Variants in SLC5A2 observed in about 807,000 individuals in gnomAD.
SLC5A2 encodes the protein solute carrier family 5 member 2, also known as sodium/glucose cotransporter 2.
In SLC5A2, 67 loss-of-function variants were observed where a neutral mutation model predicts 69.0. The ratio of observed to expected loss-of-function variants is 0.97; its 90% CI spans 0.80 to 1.19. SLC5A2 has a LOEUF of 1.19. Ranked by LOEUF, SLC5A2 falls within the 50% of genes most tolerant of loss-of-function variation. The probability of loss-of-function intolerance (pLI) is 0.00; values close to 1 mark genes in which losing one functional copy is unlikely to be tolerated. For missense variants in SLC5A2, 1,001 were observed against 921.5 expected (o/e 1.09, Z -1.12); for synonymous variants, 455 against 395.8 (o/e 1.15, Z -1.78).
At position 31,486,026 on chromosome 16, in the gene SLC5A2, A is replaced by C; in HGVS notation, c.468+133A>C. 3 of 1,219,212 alleles carry C rather than the reference A, an allele frequency of 2.5e-6. No homozygotes were observed. In the South Asian group the frequency reaches 3.7e-5, roughly 15 times the overall value. 75.5% of individuals were successfully genotyped at this position (1,219,212 alleles called of 1,614,324 possible). On this transcript the variant is annotated intron_variant, in intron 4 of 13. Coordinates refer to ENST00000330498, the MANE Select transcript of SLC5A2 (RefSeq NM_003041.4). ...TATGATGATGGAGGCAGAGCCTGCA[A>C]TGAATGTCTCCGGGGCACCAGCTAC...
chr16:31,485,222 C>A, intron 3 of SLC5A2: 1 of 545,706 alleles, frequency 1.8e-6, no homozygotes, highest in Non-Finnish European at 3.3e-6. Flanking sequence ...GCCAGGGAAG[C>A]ACCTGCTCAG....
chr16:31,489,148 G>T lies in SLC5A2; in HGVS notation c.1475G>T (p.Gly492Val), dbSNP rs756070574. The part of the protein sequence containing the change: ...EQGAFWGLIG[G>V]LLMGLARLIP... The stretch of plus-strand genomic sequence containing the variant: ...GGCGCCTTCTGGGGACTCATCGGGG[G>T]CCTGCTGATGGGCCTGGCACGCCTG... The change falls in exon 12 of 14, where the codon GGC becomes GTC. Residue 492 changes from glycine (G) to valine (V), a missense_variant. Gly to Val is a moderately radical substitution (Grantham distance 109, BLOSUM62 -3). Coordinates refer to ENST00000330498, the MANE Select transcript of SLC5A2 (RefSeq NM_003041.4). The T allele has an allele frequency of 2.5e-5, 41 of 1,609,288 alleles. No homozygotes were observed. Among genetic ancestry groups the T allele is most frequent in the Admixed American group, 3.3e-5 (2 of 60,006 alleles).
intron 12 of SLC5A2, chr16:31,489,637 C>T (rs371730747): frequency 1.2e-4 from 67 of 537,954 alleles, no homozygotes; most frequent in Non-Finnish European, 2.0e-4. Flanking sequence ...CCATCTTGAA[C>T]GCCCACAAAA....
intron 5 of SLC5A2, among the ~76,000 whole-genome samples, chr16:31,486,907 G>A (rs1216175963): frequency 6.6e-6 from 1 of 152,186 alleles, no homozygotes; most frequent in Non-Finnish European, 1.5e-5. Context: ...TTAGCTGGAC[G>A]TGGTGGCCCG....
chr16:31,489,522 G>A, intron 12 of SLC5A2, 184 bp downstream of exon 12: 1 of 647,934 alleles, frequency 1.5e-6, no homozygotes, highest in Non-Finnish European at 2.7e-6. Context: ...GAACCGGCCT[G>A]GGGGAGGCTT....
rs763032828 is a variant in SLC5A2, at chr16:31,490,394, G to A, written c.1878G>A (p.Pro626=). The A allele has an allele frequency of 4.0e-4, 642 of 1,613,232 alleles. 1 individual carries two copies. The highest frequency in any genetic ancestry group is 5.2e-4 in the Non-Finnish European group (619 of 1,179,778). The change falls in exon 14 of 14, where the codon CCG becomes CCA. Residue 626 remains proline, a synonymous_variant. Transcript: ENST00000330498. ...GCAGAGGTGGGGTGGGCAGTCCTCC[G>A]CCCCTTACCCAGGAGGAGGCAGCGG... The part of the protein sequence containing the change: ...GMSRGGVGSP[P]PLTQEEAAAA...
chr16:31,487,532 T>G lies in SLC5A2; in HGVS notation c.658T>G (p.Phe220Val), dbSNP rs1359172073. ...CCCCTGACGGCCTTGCCCGGCAGCC[T>G]TCCACGAGGTGGGCGGGTATTCGGG... is the stretch of plus-strand genomic sequence containing the variant. ...GGACILMGYAFHEVGGYSGLF... is the reference protein window; with the variant it reads ...GGACILMGYAVHEVGGYSGLF... The change falls in exon 7 of 14, where the codon TTC becomes GTC. Residue 220 changes from phenylalanine to valine, a missense_variant and splice_region_variant. Physicochemically the swap from Phe to Val is conservative, Grantham distance 50. Transcript: ENST00000330498. 3.7e-6 allele frequency: 6 copies of G among 1,613,798 alleles called. No homozygotes were observed. The highest frequency in any genetic ancestry group is 5.1e-6 in the Non-Finnish European group (6 of 1,179,954).
intron 1 of SLC5A2, among the ~76,000 whole-genome samples, chr16:31,484,227 TACACAC>T (rs537221545): frequency 2.6e-4 from 37 of 139,816 alleles, no homozygotes; most frequent in South Asian, 1.4e-3. Context: ...TCTACTAAAA[TACACAC>T]ACACACACAC....
chr16:31,486,565 C>A (rs538567817), intron 5 of SLC5A2, among the ~76,000 whole-genome samples: 1 of 152,306 alleles, frequency 6.6e-6, no homozygotes, highest in South Asian at 2.1e-4. Flanking sequence ...GGAGAGCACA[C>A]CTGACGAGTC....
At position 31,488,751 on chromosome 16, in the gene SLC5A2, G is replaced by GCGAGCTGCTGCTGGTGGGA. The variant is rs1396191994; in HGVS notation, c.1262_1280dup (p.Leu428AlafsTer40). 5.0e-6 allele frequency: 8 copies of GCGAGCTGCTGCTGGTGGGA among 1,603,676 alleles called. No individual in the cohort carries two copies. The highest frequency in any genetic ancestry group is 1.7e-4 in the Middle Eastern group (1 of 6,006). On this transcript the variant is annotated frameshift_variant, in exon 10 of 14. Coordinates refer to ENST00000330498, the MANE Select transcript of SLC5A2 (RefSeq NM_003041.4). LOFTEE classifies it high-confidence loss of function. ...CGCCTGCGGCCACGCGCCGGCGACC[G>GCGAGCTGCTGCTGGTGGGA]CGAGCTGCTGCTGGTGGGACGGTGC...
At chr16:31,485,434 G>A in intron 3 of SLC5A2, 1 of 521,934 alleles carries the variant, frequency 1.9e-6, no homozygotes. Flanking sequence ...GCTCAGGTCA[G>A]TCTGAGGGGT....
intron 8 of SLC5A2, 36 bp from the exon 9 acceptor site, chr16:31,488,347 C>T (rs748058170): frequency 6.2e-7 from 1 of 1,606,256 alleles, no homozygotes; most frequent in Non-Finnish European, 8.5e-7. Flanking sequence ...CCAGACCAGG[C>T]CCCGTCCTAA....
rs375802106 is a variant in SLC5A2, at chr16:31,490,508, C to T, written c.1992C>T (p.Ala664=). 9.2e-5 allele frequency: 148 copies of T among 1,613,148 alleles called. No individual in the cohort carries two copies. The highest frequency in any genetic ancestry group is 1.2e-4 in the Non-Finnish European group (137 of 1,179,730). Residue 664 remains alanine (A), a synonymous_variant, in exon 14 of 14, where the codon GCC becomes GCT. Transcript: ENST00000330498. ...ATGCCCTGCTCATGATGGCAGTGGC[C>T]GTGTTCCTCTGGGGCTTCTATGCCT... ...NLNALLMMAV[A]VFLWGFYA
At chr16:31,488,330 G>A (rs2082517650) in intron 8 of SLC5A2, 53 bp from the exon 9 acceptor site, 1 of 1,603,944 alleles carries the variant, frequency 6.2e-7, no homozygotes, top group Non-Finnish European at 8.5e-7. Context: ...CCCACCTCCT[G>A]GGATTCCCAG....
chr16:31,485,896 G>C lies in SLC5A2; in HGVS notation c.468+3G>C. ...TGTACATCTTCACCAAGATCTCAGT[G>C]AGTGCCTGTGGCAGATGCGATTGGG... On this transcript the variant is annotated splice_donor_region_variant and intron_variant, in intron 4 of 13. Coordinates refer to ENST00000330498, the MANE Select transcript of SLC5A2 (RefSeq NM_003041.4). 6.2e-7 allele frequency: 1 copy of C among 1,613,534 alleles called. No homozygotes were observed. Among genetic ancestry groups the C allele is most frequent in the East Asian group, 2.2e-5 (1 of 44,880 alleles).
chr16:31,488,677 C>CTCCA lies in SLC5A2; in HGVS notation c.1188_1191dup (p.Phe398HisfsTer65). 6.2e-7 allele frequency: 1 copy of CTCCA among 1,612,704 alleles called. No individual in the cohort carries two copies. Among genetic ancestry groups the CTCCA allele is most frequent in the Non-Finnish European group, 8.5e-7 (1 of 1,179,594 alleles). The stretch of plus-strand genomic sequence containing the variant: ...TGGCCGCGCTCATGTCCTCGCTGGC[C>CTCCA]TCCATCTTCAACAGCAGCAGCACGC... On this transcript the variant is annotated frameshift_variant, in exon 10 of 14. Coordinates refer to ENST00000330498, the MANE Select transcript of SLC5A2 (RefSeq NM_003041.4). LOFTEE classifies it high-confidence loss of function.
At chr16:31,486,867 A>C (rs1314418210) in intron 5 of SLC5A2, among the ~76,000 whole-genome samples, 3 of 152,208 alleles carry the variant, frequency 2.0e-5, no homozygotes, top group Non-Finnish European at 4.4e-5. Flanking sequence ...CAACATGGTG[A>C]AACCCCGTCT....
intron 6 of SLC5A2, 63 bp from the exon 7 acceptor site, chr16:31,487,467 G>A (rs1596619014): frequency 1.2e-6 from 2 of 1,610,396 alleles, no homozygotes; most frequent in Non-Finnish European, 1.7e-6. Flanking sequence ...CTGCGCGCGG[G>A]GCCGTTGCGC....
chr16:31,490,756 GCCTTTC>G lies in SLC5A2; in HGVS notation c.*224_*229del. 6.7e-7 allele frequency: 1 copy of G among 1,503,314 alleles called. No homozygotes were observed. The highest frequency in any genetic ancestry group is 9.2e-7 in the Non-Finnish European group (1 of 1,082,900). 93.1% of individuals were successfully genotyped at this position (1,503,314 alleles called of 1,614,324 possible). ...AGTTGCCCTAAGGAAAAATAAAGCT[GCCTTTC>G]CCCTGTCCTGCTGTGGCCAAAGTGT... On this transcript the variant is annotated 3_prime_UTR_variant, in exon 14 of 14. Coordinates refer to ENST00000330498, the MANE Select transcript of SLC5A2 (RefSeq NM_003041.4).
Sources: gnomAD v4.1 joint callset for allele counts (sites outside exome capture counted in the v4.1 genomes callset) on GRCh38, gnomAD v4.1.1 for gene constraint, MANE v1.5 for transcripts, NCBI Gene and HGNC (gene_info 2026-07-23, HGNC 2026-07-21) for gene names.